Variants in SMOC1 observed in about 807,000 individuals in gnomAD.
SMOC1 encodes SPARC-related modular calcium-binding protein 1.
Under a neutral mutation model 56.3 loss-of-function variants are expected in SMOC1, and 22 were observed. The observed-to-expected ratio is 0.39, with a 90% confidence interval of 0.28 to 0.56. The LOEUF (loss-of-function observed/expected upper bound fraction) is 0.56. SMOC1 is among the 20% of genes least tolerant of loss of function. The probability of loss-of-function intolerance (pLI) is 0.61; values close to 1 mark genes in which losing one functional copy is unlikely to be tolerated. For missense variants in SMOC1, 509 were observed against 565.4 expected, an observed-to-expected ratio of 0.90 and a Z score of 1.01; for synonymous variants, 193 against 215.0, an observed-to-expected ratio of 0.90 and a Z score of 0.89.
At chr14:70,012,723 C>T (rs1301118017) in intron 9 of SMOC1, among the ~76,000 whole-genome samples, 1 of 152,182 alleles carries the variant, frequency 6.6e-6, no homozygotes, top group Non-Finnish European at 1.5e-5. Flanking sequence ...GTGTTTTCCC[C>T]AGCTACGTGG....
intron 3 of SMOC1, among the ~76,000 whole-genome samples, chr14:69,973,112 A>C (rs1883834820): frequency 6.6e-6 from 1 of 152,246 alleles, no homozygotes; most frequent in South Asian, 2.1e-4. Flanking sequence ...GCCACTGGCA[A>C]GGAACTGTCT....
intron 3 of SMOC1, among the ~76,000 whole-genome samples, chr14:69,969,814 T>C (rs1345216155): frequency 1.3e-5 from 2 of 152,230 alleles, no homozygotes; most frequent in African/African-American, 4.8e-5. Context: ...TCCAAAGTTA[T>C]TTGGCCAGAG....
At position 69,879,645 on chromosome 14, in the gene SMOC1, C is replaced by T. The variant is rs1883575857; in HGVS notation, c.-34C>T. The T allele has an allele frequency of 2.1e-6, 3 of 1,459,120 alleles. No individual in the cohort carries two copies. Among genetic ancestry groups the T allele is most frequent in the Non-Finnish European group, 2.7e-6 (3 of 1,110,330 alleles). 90.4% of individuals were successfully genotyped at this position (1,459,120 alleles called of 1,614,324 possible). A position where few individuals can be genotyped will look rare whatever the true frequency, so the allele number is the denominator to read the frequency against. ...TGCGCCCCGCGGAGCCCGCGAACCCCGCTCGCTGCCGGCTGCCCAGCCTGG... is the reference window on the plus strand; with the variant it reads ...TGCGCCCCGCGGAGCCCGCGAACCCTGCTCGCTGCCGGCTGCCCAGCCTGG... On this transcript the variant is annotated 5_prime_UTR_variant, in exon 1 of 12. Coordinates refer to ENST00000361956, the MANE Select transcript of SMOC1 (RefSeq NM_001034852.3).
intron 1 of SMOC1, among the ~76,000 whole-genome samples, chr14:69,912,639 C>T (rs1884583643): frequency 6.6e-6 from 1 of 152,202 alleles, no homozygotes; most frequent in African/African-American, 2.4e-5. Context: ...CAGGTTCCCA[C>T]TTTCTGTGTC....
chr14:69,900,354 C>T (rs1212524776), intron 1 of SMOC1, among the ~76,000 whole-genome samples: 2 of 152,206 alleles, frequency 1.3e-5, no homozygotes, highest in African/African-American at 4.8e-5. Context: ...CAAATCAACA[C>T]GTTCTACAAA....
At chr14:69,883,551 C>T (rs528296917) in intron 1 of SMOC1, among the ~76,000 whole-genome samples, 89 of 152,292 alleles carry the variant, frequency 5.8e-4, no homozygotes, top group Middle Eastern at 3.4e-3. Context: ...AGGTTGATTT[C>T]ATATCCTGGC....
intron 5 of SMOC1, among the ~76,000 whole-genome samples, chr14:69,980,435 GC>G (rs1194076846): frequency 6.6e-6 from 1 of 152,112 alleles, no homozygotes; most frequent in Non-Finnish European, 1.5e-5. Flanking sequence ...CTATTTAGTG[GC>G]CTCTCTTTCC....
intron 1 of SMOC1, among the ~76,000 whole-genome samples, chr14:69,932,636 C>T (rs1036831112): frequency 1.4e-4 from 22 of 152,210 alleles, no homozygotes; most frequent in African/African-American, 4.3e-4. Context: ...ATATCACAGC[C>T]GGCCTCTGCT....
chr14:69,906,406 C>T (rs1884409400), intron 1 of SMOC1, among the ~76,000 whole-genome samples: 1 of 152,128 alleles, frequency 6.6e-6, no homozygotes, highest in South Asian at 2.1e-4. Flanking sequence ...GTCTGGCCAA[C>T]AGCCTCAGCT....
intron 5 of SMOC1, among the ~76,000 whole-genome samples, chr14:69,988,790 A>C (rs1278135694): frequency 6.6e-6 from 1 of 152,222 alleles, no homozygotes; most frequent in Non-Finnish European, 1.5e-5. Context: ...ATATAGATGG[A>C]ATCATACAAC....
At chr14:70,013,538 C>T (rs769796678) in intron 10 of SMOC1, 47 bp downstream of exon 10, 10 of 1,540,324 alleles carry the variant, frequency 6.5e-6, no homozygotes, top group South Asian at 5.6e-5. Flanking sequence ...ATGTGGGGCC[C>T]CTGACTTTTC....
At chr14:69,939,744 T>A (rs2139412639) in intron 1 of SMOC1, among the ~76,000 whole-genome samples, 1 of 152,346 alleles carries the variant, frequency 6.6e-6, no homozygotes, top group Admixed American at 6.5e-5. Flanking sequence ...TTACAATGAC[T>A]CTAAGACCCT....
intron 3 of SMOC1, among the ~76,000 whole-genome samples, chr14:69,959,830 G>A (rs1045953796): frequency 2.4e-4 from 36 of 152,076 alleles, no homozygotes; most frequent in African/African-American, 8.2e-4. Context: ...AAGGCATTGG[G>A]CTCTATTGTC....
At chr14:69,951,373 T>C (rs962833431) in intron 1 of SMOC1, among the ~76,000 whole-genome samples, 7 of 152,198 alleles carry the variant, frequency 4.6e-5, no homozygotes, top group African/African-American at 1.7e-4. Flanking sequence ...TGTAGCTGTC[T>C]TTAATTTACT....
chr14:69,994,573 C>A (rs1232452733), intron 7 of SMOC1, 93 bp downstream of exon 7: 5 of 987,844 alleles, frequency 5.1e-6, no homozygotes, highest in South Asian at 3.8e-5. Flanking sequence ...TTGGAAAAAT[C>A]ATTTAATCTG....
At chr14:69,928,728 T>G (rs1885084888) in intron 1 of SMOC1, among the ~76,000 whole-genome samples, 1 of 152,220 alleles carries the variant, frequency 6.6e-6, no homozygotes, top group Non-Finnish European at 1.5e-5. Context: ...GGAGAATTCT[T>G]TGAACTCCAT....
At chr14:69,988,485 A>G (rs996211813) in intron 5 of SMOC1, among the ~76,000 whole-genome samples, 1 of 152,176 alleles carries the variant, frequency 6.6e-6, no homozygotes, top group African/African-American at 2.4e-5. Flanking sequence ...CACTCAAATA[A>G]TCTAGCTGCT....
intron 1 of SMOC1, among the ~76,000 whole-genome samples, chr14:69,894,845 GAATA>G (rs1286278841): frequency 6.6e-6 from 1 of 152,188 alleles, no homozygotes; most frequent in Non-Finnish European, 1.5e-5. Context: ...TTTCAGAATA[GAATA>G]GATAGGCCAT....
chr14:69,949,020 A>T (rs938877065), intron 1 of SMOC1, among the ~76,000 whole-genome samples: 1 of 152,172 alleles, frequency 6.6e-6, no homozygotes, highest in Non-Finnish European at 1.5e-5. Flanking sequence ...AAAGTCAAAA[A>T]CTGTTGACCA....
Sources: allele counts gnomAD v4.1 joint callset (sites outside exome capture counted in the v4.1 genomes callset), GRCh38; gene constraint gnomAD v4.1.1; transcripts MANE v1.5; gene names NCBI Gene and HGNC (gene_info 2026-07-23, HGNC 2026-07-21).